Variants in PPP4R3B observed in about 807,000 individuals in gnomAD.
The protein encoded by PPP4R3B is protein phosphatase 4 regulatory subunit 3B.
PPP4R3B carries 52 observed loss-of-function variants against 95.4 expected under a neutral mutation model. That is an observed-to-expected ratio of 0.54 (90% CI 0.44 to 0.69). The LOEUF (loss-of-function observed/expected upper bound fraction) is 0.69. Among genes scored for constraint, PPP4R3B ranks in the 30% least tolerant of loss-of-function variants. The probability of loss-of-function intolerance (pLI) is 0.00; values close to 1 mark genes in which losing one functional copy is unlikely to be tolerated. For synonymous variants in PPP4R3B, 407 were observed against 343.9 expected, an observed-to-expected ratio of 1.18 and a Z score of -2.03; for missense variants, 1,003 against 1,005.9, an observed-to-expected ratio of 1.00 and a Z score of 0.04.
intron 11 of PPP4R3B, among the ~76,000 whole-genome samples, chr2:55,574,215 A>T (rs919327437): frequency 2.4e-4 from 37 of 151,602 alleles, no homozygotes; most frequent in African/African-American, 8.5e-4. Flanking sequence ...TTTCATATCC[A>T]TTTAAAAGGC....
chr2:55,565,902 C>G (rs1243745921), intron 13 of PPP4R3B: 4 of 152,114 alleles, frequency 2.6e-5, no homozygotes, highest in African/African-American at 9.7e-5. Flanking sequence ...TAATAAGAAG[C>G]AAAGACTTCT....
intron 5 of PPP4R3B, among the ~76,000 whole-genome samples, chr2:55,587,660 G>A (rs975238425): frequency 2.0e-5 from 3 of 152,218 alleles, no homozygotes; most frequent in East Asian, 1.9e-4. Context: ...CACATTCAGT[G>A]CAAAAATGCC....
At chr2:55,566,240 G>T (rs1177939581) in intron 13 of PPP4R3B, among the ~76,000 whole-genome samples, 1 of 151,868 alleles carries the variant, frequency 6.6e-6, no homozygotes, top group Non-Finnish European at 1.5e-5. Flanking sequence ...AAAAAAATAC[G>T]CAAATCAGAA....
chr2:55,592,601 G>A (rs896603946), intron 4 of PPP4R3B, among the ~76,000 whole-genome samples: 16 of 152,074 alleles, frequency 1.1e-4, no homozygotes, highest in East Asian at 3.9e-4. Flanking sequence ...TTCTCTTTCC[G>A]TGCCAAAACC....
chr2:55,616,355 A>G (rs1694924011), intron 1 of PPP4R3B, among the ~76,000 whole-genome samples: 1 of 152,240 alleles, frequency 6.6e-6, no homozygotes, highest in Non-Finnish European at 1.5e-5. Flanking sequence ...AATACAAAAT[A>G]TGTCAAGACT....
chr2:55,617,401 A>T lies in PPP4R3B; in HGVS notation c.-116T>A. ...GCGGTGGCGGCGGCGGCGGCTTCGG[A>T]GAGGCCCGAATTCACCATGGCTCCA... On this transcript the variant is annotated 5_prime_UTR_variant, in exon 1 of 17. Coordinates refer to ENST00000616407, the MANE Select transcript of PPP4R3B (RefSeq NM_001122964.3). 8.1e-7 allele frequency: 1 copy of T among 1,240,208 alleles called. No homozygotes were observed. The allele number at this position is 1,240,208 out of a possible 1,614,324, so 76.8% of individuals were successfully genotyped here. A position where few individuals can be genotyped will look rare whatever the true frequency, so the allele number is the denominator to read the frequency against.
In PPP4R3B at chr2:55,559,164, T is replaced by C. The variant is rs554097514; in HGVS notation, c.2261-196A>G. ...GAGTTCAAGACCAGCCTGACCAACA[T>C]GGAGAAACCCCGTCTCTGCTAAAAA... On this transcript the variant is annotated intron_variant, in intron 15 of 16. Transcript: ENST00000616407. Among the ~76,000 whole-genome samples, 5 of 151,910 alleles carry C rather than the reference T, an allele frequency of 3.3e-5. No homozygotes were observed. The East Asian group carries it at 9.7e-4, about 29-fold the overall frequency.
chr2:55,602,747 T>C (rs1559041661), intron 3 of PPP4R3B, among the ~76,000 whole-genome samples: 1 of 152,194 alleles, frequency 6.6e-6, no homozygotes, highest in African/African-American at 2.4e-5. Context: ...GAAACTCTCC[T>C]AGACCCTGCC....
intron 3 of PPP4R3B, among the ~76,000 whole-genome samples, chr2:55,601,742 C>T (rs1017941537): frequency 3.3e-5 from 5 of 152,148 alleles, no homozygotes; most frequent in Non-Finnish European, 7.3e-5. Flanking sequence ...CCAACTCTTA[C>T]TTTTCAGGTT....
At chr2:55,566,888 T>C (rs185885857) in intron 13 of PPP4R3B, among the ~76,000 whole-genome samples, 88 of 152,206 alleles carry the variant, frequency 5.8e-4, no homozygotes, top group African/African-American at 2.0e-3. Context: ...TGCCTGTAGT[T>C]CCAATTACTC....
intron 13 of PPP4R3B, among the ~76,000 whole-genome samples, chr2:55,566,280 A>G (rs1057238453): frequency 2.6e-5 from 4 of 152,194 alleles, no homozygotes; most frequent in African/African-American, 9.6e-5. Flanking sequence ...GCTCTATGTT[A>G]TATGTGAAAC....
intron 10 of PPP4R3B, 21 bp downstream of exon 10, chr2:55,578,226 T>C (rs1211024494): frequency 5.7e-5 from 79 of 1,392,048 alleles, no homozygotes; most frequent in Non-Finnish European, 7.3e-5. Context: ...ATAGGAGTGA[T>C]ACACTCCAAA....
chr2:55,553,899 A>C (rs370686537), intron 16 of PPP4R3B, among the ~76,000 whole-genome samples: 2 of 152,326 alleles, frequency 1.3e-5, no homozygotes, highest in Admixed American at 6.5e-5. Context: ...TATGAAAAAT[A>C]CTGCTATTAA....
chr2:55,570,218 C>A (rs371272338), intron 12 of PPP4R3B, among the ~76,000 whole-genome samples: 37 of 152,262 alleles, frequency 2.4e-4, no homozygotes, highest in African/African-American at 8.4e-4. Flanking sequence ...CCACTACACC[C>A]CAGCATGGGT....
chr2:55,599,143 A>G, intron 3 of PPP4R3B, 104 bp from the exon 4 acceptor site: 1 of 1,107,156 alleles, frequency 9.0e-7, no homozygotes, highest in East Asian at 2.6e-5. Flanking sequence ...CTACTAATTA[A>G]AAGTGAAGTC....
chr2:55,594,332 T>C (rs1426652296), intron 4 of PPP4R3B, among the ~76,000 whole-genome samples: 3 of 151,738 alleles, frequency 2.0e-5, no homozygotes, highest in Non-Finnish European at 4.4e-5. Flanking sequence ...TTCAACATCA[T>C]TGCTGGCACA....
chr2:55,569,789 T>A (rs1687770643), intron 12 of PPP4R3B, among the ~76,000 whole-genome samples: 1 of 152,020 alleles, frequency 6.6e-6, no homozygotes, highest in African/African-American at 2.4e-5. Context: ...GGCCCAGCTG[T>A]CTTTTCTTTT....
intron 16 of PPP4R3B, among the ~76,000 whole-genome samples, chr2:55,551,772 A>C (rs567038439): frequency 6.6e-6 from 1 of 152,068 alleles, no homozygotes; most frequent in African/African-American, 2.4e-5. Flanking sequence ...AAATAAATAA[A>C]TAAATAGATA....
intron 13 of PPP4R3B, among the ~76,000 whole-genome samples, chr2:55,566,498 T>G (rs908766445): frequency 9.2e-5 from 14 of 152,336 alleles, no homozygotes; most frequent in Middle Eastern, 3.4e-3. Flanking sequence ...CAATGGGAAC[T>G]AGTGAGCTAG....
Sources: allele counts gnomAD v4.1 joint callset (sites outside exome capture counted in the v4.1 genomes callset), GRCh38; gene constraint gnomAD v4.1.1; transcripts MANE v1.5; gene names NCBI Gene and HGNC (gene_info 2026-07-23, HGNC 2026-07-21).